The following MROH9 variants were observed in gnomAD, a reference collection of about 807,000 sequenced individuals.
The protein encoded by MROH9 is maestro heat like repeat family member 9.
In MROH9, 92 loss-of-function variants were observed where a neutral mutation model predicts 98.2. The ratio of observed to expected loss-of-function variants is 0.94; its 90% CI spans 0.79 to 1.11. The LOEUF is 1.11. Among genes scored for constraint, MROH9 ranks in the 50% most tolerant of loss-of-function variants. The pLI is 0.00. For synonymous variants in MROH9, 397 were observed against 368.9 expected (o/e 1.08, Z -0.87); for missense variants, 1,057 against 1,014.8 (o/e 1.04, Z -0.57).
At chr1:170,955,180 T>C (rs1413459566) in intron 3 of MROH9, among the ~76,000 whole-genome samples, 1 of 151,688 alleles carries the variant, frequency 6.6e-6, no homozygotes, top group Admixed American at 6.6e-5. Flanking sequence ...CCATTTTATG[T>C]ATATATATAT....
intron 2 of MROH9, 85 bp downstream of exon 2, chr1:170,945,666 C>G (rs1312672526): frequency 8.6e-7 from 1 of 1,166,420 alleles, no homozygotes; most frequent in Non-Finnish European, 1.2e-6. Context: ...AGAGAGAAAC[C>G]TATACATCAT....
chr1:170,979,727 A>G (rs953847070), intron 8 of MROH9, among the ~76,000 whole-genome samples: 10 of 152,158 alleles, frequency 6.6e-5, no homozygotes, highest in Non-Finnish European at 1.0e-4. Context: ...TGCAAACTAC[A>G]TATCTGATAA....
At chr1:170,952,133 C>T (rs1046115189) in intron 3 of MROH9, among the ~76,000 whole-genome samples, 1 of 151,918 alleles carries the variant, frequency 6.6e-6, no homozygotes, top group African/African-American at 2.4e-5. Context: ...GAAATAGGAA[C>T]ACTTTTACAC....
At chr1:171,023,579 T>C (rs530369960) in intron 17 of MROH9, among the ~76,000 whole-genome samples, 1 of 152,314 alleles carries the variant, frequency 6.6e-6, no homozygotes, top group South Asian at 2.1e-4. Flanking sequence ...TTATGGTAAG[T>C]AAATTGTTTT....
At chr1:171,021,046 C>A (rs557687098) in intron 17 of MROH9, among the ~76,000 whole-genome samples, 444 of 152,114 alleles carry the variant, frequency 2.9e-3, no homozygotes, top group Non-Finnish European at 5.0e-3. Context: ...AGGAATACAG[C>A]TAACAAGGGA....
intron 17 of MROH9, among the ~76,000 whole-genome samples, chr1:171,022,857 T>C (rs2101840308): frequency 6.6e-6 from 1 of 152,318 alleles, no homozygotes; most frequent in Admixed American, 6.5e-5. Flanking sequence ...CATAAATCTC[T>C]AAGCAACTGT....
chr1:170,941,075 AC>A (rs1317148986), intron 1 of MROH9, among the ~76,000 whole-genome samples: 3 of 151,960 alleles, frequency 2.0e-5, no homozygotes, highest in African/African-American at 4.8e-5. Context: ...CCTGAGCTAC[AC>A]TCCATTGATC....
intron 20 of MROH9, 51 bp from the exon 21 acceptor site, chr1:171,062,081 G>A (rs986928410): frequency 7.9e-5 from 93 of 1,172,942 alleles, no homozygotes; most frequent in Non-Finnish European, 1.0e-4. Flanking sequence ...ATCAGAAAAT[G>A]TATTTTCATA....
Position 170,961,932 on chromosome 1 carries a change from A to G in MROH9, c.331A>G (p.Thr111Ala), listed in dbSNP as rs1304642727. The change falls in exon 6 of 22, where the codon ACG becomes GCG. Residue 111 changes from threonine (T) to alanine (A), a missense_variant. Coordinates refer to ENST00000367759, the MANE Select transcript of MROH9 (RefSeq NM_001163629.2). Reference protein sequence around the residue: ...NILNIYENILTSLVSKDLYKL... With the variant: ...NILNIYENILASLVSKDLYKL... ...TTTAAATATATATGAGAACATTCTTACGAGCTTGGTGTCTAAAGACCTCTA... is the reference window on the plus strand; with the variant it reads ...TTTAAATATATATGAGAACATTCTTGCGAGCTTGGTGTCTAAAGACCTCTA... 3 of 1,541,912 alleles carry G rather than the reference A, an allele frequency of 1.9e-6. No homozygotes were observed. In the East Asian group the frequency reaches 7.2e-5, roughly 37 times the overall value.
At chr1:171,054,079 A>G (rs1447153626) in intron 20 of MROH9, among the ~76,000 whole-genome samples, 2 of 152,238 alleles carry the variant, frequency 1.3e-5, no homozygotes, top group Non-Finnish European at 2.9e-5. Flanking sequence ...AAAATTCAGA[A>G]AAAAGTTCTC....
chr1:171,064,666 C>A lies in MROH9; in HGVS notation c.*326C>A, dbSNP rs1312045489. On this transcript the variant is annotated 3_prime_UTR_variant, in exon 22 of 22. Coordinates refer to ENST00000367759, the MANE Select transcript of MROH9 (RefSeq NM_001163629.2). ...AACTTGATTCAGTCCGGAAGCTCTA[C>A]TGAGCACCTTCTAAGTGCCAGATAC... 4.6e-6 allele frequency: 1 copy of A among 215,092 alleles called. No individual in the cohort carries two copies. Among genetic ancestry groups the A allele is most frequent in the Non-Finnish European group, 9.1e-6 (1 of 110,138 alleles). The allele number at this position is 215,092 out of a possible 1,614,324, so 13.3% of individuals were successfully genotyped here.
At chr1:171,051,944 A>G (rs1323391573) in intron 20 of MROH9, among the ~76,000 whole-genome samples, 2 of 152,022 alleles carry the variant, frequency 1.3e-5, no homozygotes, top group East Asian at 3.9e-4. Context: ...TGATGGCTTC[A>G]TAGGAATTGG....
At chr1:171,050,109 C>A (rs1356205494) in intron 20 of MROH9, among the ~76,000 whole-genome samples, 1 of 151,576 alleles carries the variant, frequency 6.6e-6, no homozygotes, top group Non-Finnish European at 1.5e-5. Context: ...CTGATTATTT[C>A]TTTCACTGTG....
chr1:170,965,140 G>A lies in MROH9; in HGVS notation c.376-11G>A, dbSNP rs766605514. On this transcript the variant is annotated splice_polypyrimidine_tract_variant and intron_variant, in intron 6 of 21. Coordinates refer to ENST00000367759, the MANE Select transcript of MROH9 (RefSeq NM_001163629.2). ...TTCATGGTTCTAGGATGACTTTTAT[G>A]TTTCCAACAGGAAATGCTCGTGTGG... The A allele has an allele frequency of 1.1e-4, 182 of 1,593,206 alleles. No homozygotes were observed. Among genetic ancestry groups the A allele is most frequent in the Non-Finnish European group, 1.5e-4 (170 of 1,163,322 alleles).
At chr1:171,045,609 C>G (rs1653450135) in intron 20 of MROH9, among the ~76,000 whole-genome samples, 1 of 151,940 alleles carries the variant, frequency 6.6e-6, no homozygotes, top group African/African-American at 2.4e-5. Flanking sequence ...TCCAAAATTC[C>G]TCTTGTTATT....
At chr1:171,038,196 C>T (rs1482044443) in intron 20 of MROH9, among the ~76,000 whole-genome samples, 1 of 151,958 alleles carries the variant, frequency 6.6e-6, no homozygotes, top group African/African-American at 2.4e-5. Flanking sequence ...TCTTTACTAA[C>T]CCATGAGAAA....
chr1:170,952,338 T>C (rs1439928861), intron 3 of MROH9, among the ~76,000 whole-genome samples: 7 of 152,108 alleles, frequency 4.6e-5, no homozygotes, highest in Non-Finnish European at 1.0e-4. Flanking sequence ...TAGCAAAGAC[T>C]TGGAACCAAA....
chr1:171,026,629 G>A (rs548729968), intron 20 of MROH9, among the ~76,000 whole-genome samples: 1 of 152,030 alleles, frequency 6.6e-6, no homozygotes, highest in Non-Finnish European at 1.5e-5. Context: ...TTCTACCTTG[G>A]AAGTTCCCAC....
chr1:170,949,265 C>T (rs1044082982), intron 3 of MROH9, among the ~76,000 whole-genome samples: 3 of 151,922 alleles, frequency 2.0e-5, no homozygotes, highest in Non-Finnish European at 4.4e-5. Context: ...AACACTTCCA[C>T]AAGTTGTGGA....
Sources: allele counts gnomAD v4.1 joint callset (sites outside exome capture counted in the v4.1 genomes callset), GRCh38; gene constraint gnomAD v4.1.1; transcripts MANE v1.5; gene names NCBI Gene and HGNC (gene_info 2026-07-23, HGNC 2026-07-21).